The following NR1H3 variants were observed in gnomAD, a reference collection of about 807,000 sequenced individuals.
NR1H3 encodes the protein oxysterols receptor LXR-alpha.
Under a neutral mutation model 48.1 loss-of-function variants are expected in NR1H3, and 19 were observed. That is an observed-to-expected ratio of 0.40 (90% CI 0.28 to 0.58). The LOEUF (loss-of-function observed/expected upper bound fraction) is 0.58. NR1H3 is among the 20% of genes least tolerant of loss of function. The probability of loss-of-function intolerance (pLI) is 0.50; values close to 1 mark genes in which losing one functional copy is unlikely to be tolerated. For missense variants in NR1H3, 486 were observed against 595.9 expected (o/e 0.82, Z 1.92); for synonymous variants, 232 against 227.3 (o/e 1.02, Z -0.19).
rs1956999973 is a variant in NR1H3, at chr11:47,268,001, C to T, written c.1077C>T (p.Leu359=). 1 of 1,613,418 alleles carries T rather than the reference C, an allele frequency of 6.2e-7. No individual in the cohort carries two copies. The highest frequency in any genetic ancestry group is 1.1e-5 in the South Asian group (1 of 91,060). The change falls in exon 8 of 10, where the codon CTC becomes CTT. Residue 359 remains leucine, a synonymous_variant. Transcript: ENST00000441012. The part of the protein sequence containing the change: ...LQLNDAEFAL[L]IAISIFSADR... Reference sequence around the variant, plus strand: ...TCAATGATGCCGAGTTTGCCTTGCTCATTGCTATCAGCATCTTCTCTGCAG... The same window carrying T: ...TCAATGATGCCGAGTTTGCCTTGCTTATTGCTATCAGCATCTTCTCTGCAG...
chr11:47,264,904 C>A (rs776242110), intron 7 of NR1H3, among the ~76,000 whole-genome samples: 5 of 152,176 alleles, frequency 3.3e-5, no homozygotes, highest in Non-Finnish European at 7.4e-5. Context: ...CTCAGAGGTG[C>A]ATTAGCTAAC....
At chr11:47,267,753 C>T (rs1197554002) in intron 7 of NR1H3, among the ~76,000 whole-genome samples, 160 bp from the exon 8 acceptor site, 3 of 152,206 alleles carry the variant, frequency 2.0e-5, no homozygotes, top group African/African-American at 7.2e-5. Flanking sequence ...AGGTGATCCG[C>T]CCGCCTCAGC....
At chr11:47,259,343 C>A (rs1375287964) in intron 2 of NR1H3, 84 bp downstream of exon 2, 1 of 1,604,602 alleles carries the variant, frequency 6.2e-7, no homozygotes, top group Non-Finnish European at 8.5e-7. Flanking sequence ...TCATTACCTG[C>A]CTTCTTCCTT....
chr11:47,265,579 T>C (rs969887430), intron 7 of NR1H3, among the ~76,000 whole-genome samples: 1 of 152,082 alleles, frequency 6.6e-6, no homozygotes, highest in African/African-American at 2.4e-5. Flanking sequence ...CCAAGAAAAA[T>C]GTATTATTTA....
chr11:47,248,964 G>T, exon 1 of NR1H3: 2 of 1,524,072 alleles, frequency 1.3e-6, no homozygotes, highest in Non-Finnish European at 1.8e-6. Flanking sequence ...CGTGCAGGAG[G>T]GTCGTGGTCT....
upstream of NR1H3, among the ~76,000 whole-genome samples, chr11:47,255,595 T>TTCTTTCTTTCTTTCTCTCTC (rs1565178673): frequency 1.6e-5 from 1 of 61,372 alleles, no homozygotes; most frequent in African/African-American, 7.7e-5. Flanking sequence ...CTTTCTTTCT[T>TTCTTTCTTTCTTTCTCTCTC]TCTCTCTCTC....
chr11:47,267,361 G>A (rs1420394125), intron 7 of NR1H3, among the ~76,000 whole-genome samples: 1 of 152,166 alleles, frequency 6.6e-6, no homozygotes, highest in African/African-American at 2.4e-5. Context: ...CCTCTTGTGT[G>A]CCAGACACAG....
upstream of NR1H3, chr11:47,257,552 G>A: frequency 1.5e-6 from 1 of 648,886 alleles, no homozygotes; most frequent in Non-Finnish European, 1.9e-6. Flanking sequence ...CTTCCCAGAG[G>A]CAAGGGAGGA....
chr11:47,261,837 G>C (rs749620172), intron 6 of NR1H3, 82 bp from the exon 7 acceptor site: 29 of 1,596,348 alleles, frequency 1.8e-5, no homozygotes, highest in Non-Finnish European at 2.1e-5. Context: ...GCAGGGATGA[G>C]GAGAATCGGC....
intron 7 of NR1H3, among the ~76,000 whole-genome samples, chr11:47,264,349 C>T (rs1223786040): frequency 1.3e-5 from 2 of 152,242 alleles, no homozygotes; most frequent in East Asian, 1.9e-4. Context: ...GCCTCTTGCT[C>T]TCCCAACGCA....
rs575532384 is a variant in NR1H3, at chr11:47,267,127, T to C, written c.989-786T>C. ...TTCGAGACCAGCCTGGGCAACATGG[T>C]GAAATCCTGTCACAACTGAAAATAT... On this transcript the variant is annotated intron_variant, in intron 7 of 9. Coordinates refer to ENST00000441012, the MANE Select transcript of NR1H3 (RefSeq NM_005693.4). Among the ~76,000 whole-genome samples the C allele has an allele frequency of 2.0e-4, 30 of 151,794 alleles. No individual in the cohort carries two copies. The East Asian group carries it at 5.9e-3, about 30-fold the overall frequency.
Position 47,268,312 on chromosome 11 carries a change from A to AT in NR1H3, c.1155dup (p.Val386CysfsTer15). On this transcript the variant is annotated frameshift_variant, in exon 9 of 10. Transcript: ENST00000441012. LOFTEE classifies it high-confidence loss of function. Reference sequence around the variant, plus strand: ...CAGGTAGAGAGGCTGCAGCACACATATGTGGAAGCCCTGCATGCCTACGTC... The same window carrying AT: ...CAGGTAGAGAGGCTGCAGCACACATATTGTGGAAGCCCTGCATGCCTACGTC... 1 of 1,614,082 alleles carries AT rather than the reference A, an allele frequency of 6.2e-7. No individual in the cohort carries two copies. The highest frequency in any genetic ancestry group is 8.5e-7 in the Non-Finnish European group (1 of 1,180,006).
chr11:47,266,108 C>G (rs1233615754), intron 7 of NR1H3, among the ~76,000 whole-genome samples: 1 of 152,090 alleles, frequency 6.6e-6, no homozygotes, highest in Non-Finnish European at 1.5e-5. Context: ...AATATTCCCT[C>G]GAGGATGTGA....
chr11:47,253,732 G>A (rs1291691392), upstream of NR1H3, among the ~76,000 whole-genome samples: 1 of 152,200 alleles, frequency 6.6e-6, no homozygotes, highest in Non-Finnish European at 1.5e-5. Flanking sequence ...AGAAACCTGT[G>A]GAGGTTCTGG....
chr11:47,268,129 T>C (rs1591247364), intron 8 of NR1H3, 103 bp downstream of exon 8: 14 of 1,131,180 alleles, frequency 1.2e-5, no homozygotes, highest in Non-Finnish European at 1.7e-5. Context: ...CTTGGGAGGG[T>C]GGAGGCATTT....
intron 1 of NR1H3, among the ~76,000 whole-genome samples, chr11:47,249,630 G>A (rs1333196421): frequency 6.6e-6 from 1 of 152,182 alleles, no homozygotes; most frequent in Admixed American, 6.5e-5. Flanking sequence ...GGTTTCCACA[G>A]AATCAATGGC....
At chr11:47,253,134 C>CGTGTGTGTGTGTGTGT (rs60982687), upstream of NR1H3, among the ~76,000 whole-genome samples, 30 of 147,770 alleles carry the variant, frequency 2.0e-4, no homozygotes, top group African/African-American at 5.6e-4. Context: ...AATTTTTGTG[C>CGTGTGTGTGTGTGTGT]GTGTGTGTGT....
At chr11:47,258,187 G>A (rs1287837191) in intron 1 of NR1H3, 58 bp downstream of exon 1, 39 of 985,380 alleles carry the variant, frequency 4.0e-5, no homozygotes, top group South Asian at 1.9e-4. Context: ...GGGTGGGGTC[G>A]GGGAATGTCC....
At chr11:47,249,696 G>C (rs2135554457) in intron 1 of NR1H3, among the ~76,000 whole-genome samples, 1 of 152,282 alleles carries the variant, frequency 6.6e-6, no homozygotes, top group Admixed American at 6.5e-5. Context: ...TCAGGACTTT[G>C]TGACTCCTGT....
Sources: allele counts gnomAD v4.1 joint callset (sites outside exome capture counted in the v4.1 genomes callset), GRCh38; gene constraint gnomAD v4.1.1; transcripts MANE v1.5; gene names NCBI Gene and HGNC (gene_info 2026-07-23, HGNC 2026-07-21).